Variants in CDYL observed in about 807,000 individuals in gnomAD.
CDYL encodes the protein chromodomain Y like, also known as chromodomain Y-like protein.
In CDYL, 8 loss-of-function variants were observed where a neutral mutation model predicts 47.3. The ratio of observed to expected loss-of-function variants is 0.17; its 90% CI spans 0.10 to 0.31. The LOEUF is 0.31. CDYL is among the 10% of genes least tolerant of loss of function. The probability of loss-of-function intolerance (pLI) is 1.00; values close to 1 mark genes in which losing one functional copy is unlikely to be tolerated. For missense variants in CDYL, 471 were observed against 701.4 expected, an observed-to-expected ratio of 0.67 and a Z score of 3.71; for synonymous variants, 266 against 265.0, an observed-to-expected ratio of 1.00 and a Z score of -0.04.
chr6:4,893,262 G>A (rs1297135030), intron 2 of CDYL, among the ~76,000 whole-genome samples: 5 of 152,140 alleles, frequency 3.3e-5, no homozygotes, highest in East Asian at 1.9e-4. Context: ...GTGTGTCTGC[G>A]ACCTGGCGCT....
At chr6:4,823,421 T>C (rs1759894173) in intron 1 of CDYL, among the ~76,000 whole-genome samples, 1 of 152,246 alleles carries the variant, frequency 6.6e-6, no homozygotes, top group Non-Finnish European at 1.5e-5. Flanking sequence ...GAAATCTTGA[T>C]TGGCATTCAT....
intron 1 of CDYL, among the ~76,000 whole-genome samples, chr6:4,870,887 T>C (rs1304757992): frequency 3.3e-5 from 5 of 152,240 alleles, no homozygotes; most frequent in African/African-American, 1.2e-4. Flanking sequence ...TCGTCATGTT[T>C]TCCTTTAGTT....
chr6:4,765,644 A>G (rs956983403), intron 3 of CDYL, among the ~76,000 whole-genome samples: 1 of 151,748 alleles, frequency 6.6e-6, no homozygotes, highest in African/African-American at 2.4e-5. Flanking sequence ...GCTCTCTGCA[A>G]CCTCTGCCTT....
At chr6:4,756,939 A>T (rs1758084710) in intron 3 of CDYL, among the ~76,000 whole-genome samples, 1 of 152,182 alleles carries the variant, frequency 6.6e-6, no homozygotes, top group African/African-American at 2.4e-5. Context: ...ATTTAGGCCA[A>T]TCCCTGCCAT....
chr6:4,783,541 C>T lies in CDYL; in HGVS notation c.24+6734C>T, dbSNP rs202115343. On this transcript the variant is annotated intron_variant, in intron 1 of 6. Transcript: ENST00000397588. ...AAGTGATTCTCCTGCCTCAGCCTTT[C>T]AAGTAGCTGGGATTATGGGCATGCA... Among the ~76,000 whole-genome samples the T allele has an allele frequency of 2.4e-4, 36 of 151,860 alleles. No individual in the cohort carries two copies. In the East Asian group the frequency reaches 5.4e-3, roughly 23 times the overall value.
At chr6:4,790,940 T>C (rs1758899682) in intron 1 of CDYL, among the ~76,000 whole-genome samples, 1 of 152,212 alleles carries the variant, frequency 6.6e-6, no homozygotes. Context: ...ACTGAAAATT[T>C]GGTCCAACAA....
intron 1 of CDYL, among the ~76,000 whole-genome samples, chr6:4,858,552 G>A (rs900241420): frequency 3.5e-4 from 53 of 152,208 alleles, no homozygotes; most frequent in African/African-American, 1.3e-3. Context: ...CCACGGGATC[G>A]AGCGCCACCC....
At chr6:4,728,189 C>G (rs1445849667) in intron 2 of CDYL, among the ~76,000 whole-genome samples, 1 of 152,216 alleles carries the variant, frequency 6.6e-6, no homozygotes, top group African/African-American at 2.4e-5. Context: ...TCTTTTATCT[C>G]TGGTCACACC....
At chr6:4,792,739 C>G (rs997771404) in intron 1 of CDYL, among the ~76,000 whole-genome samples, 2 of 152,090 alleles carry the variant, frequency 1.3e-5, no homozygotes, top group African/African-American at 4.8e-5. Context: ...CCTGGCTTCT[C>G]TCATTTCGTT....
intron 1 of CDYL, among the ~76,000 whole-genome samples, chr6:4,887,571 G>T (rs1353270254): frequency 6.6e-6 from 1 of 151,882 alleles, no homozygotes; most frequent in Non-Finnish European, 1.5e-5. Context: ...GAACTTCTTT[G>T]TTCTAATAGT....
intron 1 of CDYL, among the ~76,000 whole-genome samples, chr6:4,846,203 G>A (rs1350510858): frequency 3.3e-5 from 5 of 151,286 alleles, no homozygotes; most frequent in African/African-American, 1.2e-4. Context: ...AAAAAAAGGT[G>A]GATATGGCTA....
chr6:4,876,025 C>G (rs1231848454), intron 1 of CDYL, among the ~76,000 whole-genome samples: 1 of 152,108 alleles, frequency 6.6e-6, no homozygotes, highest in Non-Finnish European at 1.5e-5. Context: ...CTTAGCTAAA[C>G]AAATGCATAT....
intron 2 of CDYL, among the ~76,000 whole-genome samples, chr6:4,927,986 T>C (rs1561713585): frequency 6.6e-6 from 1 of 152,246 alleles, no homozygotes; most frequent in Non-Finnish European, 1.5e-5. Context: ...ATAGAAGCTG[T>C]TCTTAAACTG....
rs533745075 is a variant in CDYL, at chr6:4,746,270, A to C, written c.186+11426A>C. On this transcript the variant is annotated intron_variant, in intron 3 of 8. Transcript: ENST00000328908. ...TCCCAGCTACTCAGGTGGCTGAGAC[A>C]GGAGAATCACTTGAACCCGGGAGGC... is the stretch of plus-strand genomic sequence containing the variant. Among the ~76,000 whole-genome samples the C allele has an allele frequency of 1.0e-3, 157 of 151,922 alleles. 1 individual carries two copies. Among genetic ancestry groups the C allele is most frequent in the African/African-American group, 3.7e-3 (153 of 41,418 alleles).
At chr6:4,715,932 TAG>T (rs747246633) in intron 2 of CDYL, 6 of 1,581,374 alleles carry the variant, frequency 3.8e-6, no homozygotes, top group South Asian at 1.1e-5. Flanking sequence ...GCAGAATTCT[TAG>T]AGAGGCCCCT....
intron 1 of CDYL, among the ~76,000 whole-genome samples, chr6:4,807,478 C>G (rs555274025): frequency 2.0e-5 from 3 of 151,248 alleles, no homozygotes; most frequent in Non-Finnish European, 4.4e-5. Context: ...TGCAGCAGTT[C>G]TGTGGTGCTT....
intron 3 of CDYL, among the ~76,000 whole-genome samples, chr6:4,770,844 C>T (rs1758328051): frequency 6.6e-6 from 1 of 152,166 alleles, no homozygotes; most frequent in Admixed American, 6.5e-5. Context: ...AACAATCCAC[C>T]TTTGCAGGGG....
At chr6:4,824,807 G>T (rs1179053351) in intron 1 of CDYL, among the ~76,000 whole-genome samples, 1 of 151,692 alleles carries the variant, frequency 6.6e-6, no homozygotes, top group African/African-American at 2.4e-5. Flanking sequence ...TTGACTTTCT[G>T]GGACCTTTTG....
intron 1 of CDYL, among the ~76,000 whole-genome samples, chr6:4,838,090 G>C (rs1271847818): frequency 1.3e-5 from 2 of 151,948 alleles, no homozygotes; most frequent in African/African-American, 4.8e-5. Flanking sequence ...AAATATTCTT[G>C]ATACATTTTT....
Sources: allele counts gnomAD v4.1 joint callset (sites outside exome capture counted in the v4.1 genomes callset), GRCh38; gene constraint gnomAD v4.1.1; transcripts MANE v1.5; gene names NCBI Gene and HGNC (gene_info 2026-07-23, HGNC 2026-07-21).